Variants in PRR5 observed in about 807,000 individuals in gnomAD.
The protein encoded by PRR5 is proline-rich protein 5.
Under a neutral mutation model 30.6 loss-of-function variants are expected in PRR5, and 25 were observed. The ratio of observed to expected loss-of-function variants is 0.82; its 90% CI spans 0.60 to 1.14. The LOEUF (loss-of-function observed/expected upper bound fraction) is 1.14, where lower values mean the gene tolerates loss of function less well. PRR5 is among the 50% of genes most tolerant of loss of function. The pLI is 0.00. For missense variants in PRR5, 600 were observed against 547.1 expected (o/e 1.10, Z -0.96); for synonymous variants, 286 against 247.1 (o/e 1.16, Z -1.48).
upstream of PRR5, among the ~76,000 whole-genome samples, chr22:44,701,026 G>A (rs1926222568): frequency 1.3e-5 from 2 of 151,856 alleles, no homozygotes; most frequent in Admixed American, 1.3e-4. Context: ...GGGATTACGG[G>A]CATGCACCAC....
intron 7 of PRR5, among the ~76,000 whole-genome samples, chr22:44,735,867 G>C (rs1923141720): frequency 6.6e-6 from 1 of 152,190 alleles, no homozygotes; most frequent in Non-Finnish European, 1.5e-5. Context: ...CCTGCCCACT[G>C]GTGTGTCTCA....
chr22:44,728,053 T>C lies in PRR5; in HGVS notation c.322+1419T>C, dbSNP rs1026489873. ...ATCTGGCCTAGGGGAGCCGGGGCTC[T>C]CGGAGAAGGGAGTTTTGTGTGGCTT... On this transcript the variant is annotated intron_variant, in intron 4 of 7. Transcript: ENST00000336985. 6.6e-5 allele frequency among the ~76,000 whole-genome samples: 10 copies of C among 152,200 alleles called. 1 individual carries two copies. Among genetic ancestry groups the C allele is most frequent in the African/African-American group, 2.4e-4 (10 of 41,448 alleles).
chr22:44,732,211 G>T, intron 5 of PRR5, 40 bp from the exon 6 acceptor site: 1 of 1,604,722 alleles, frequency 6.2e-7, no homozygotes. Context: ...GAGGACGCAT[G>T]TGACCACAGC....
At chr22:44,716,385 C>CAA (rs760764972) in intron 2 of PRR5, among the ~76,000 whole-genome samples, 1 of 152,208 alleles carries the variant, frequency 6.6e-6, no homozygotes, top group Non-Finnish European at 1.5e-5. Flanking sequence ...AGGAGTTTTT[C>CAA]ACACCAAACC....
rs780505145 is a variant in PRR5 at position 44,736,796 on chromosome 22, G to A, written c.716G>A (p.Arg239His). The A allele has an allele frequency of 2.6e-5, 40 of 1,563,594 alleles. 1 individual carries two copies. The highest frequency in any genetic ancestry group is 1.4e-4 in the African/African-American group (10 of 73,800). ...GAAAAGCGCCTCCTCCGCCGCTCCC[G>A]CTCGGGGGACGTGCTGGCCAAGAAC... ...ILEKRLLRRS[R>H]SGDVLAKNPV... Residue 239 changes from arginine to histidine, a missense_variant, in exon 8 of 8, where the codon CGC becomes CAC. Transcript: ENST00000336985.
chr22:44,689,451 G>A (rs139137304), intron 1 of PRR5, among the ~76,000 whole-genome samples: 51 of 152,330 alleles, frequency 3.3e-4, no homozygotes, highest in African/African-American at 1.1e-3. Flanking sequence ...CCACAGCTAC[G>A]AGAGTTTCTG....
At chr22:44,724,603 C>G (rs1184648432) in intron 2 of PRR5, among the ~76,000 whole-genome samples, 1 of 152,146 alleles carries the variant, frequency 6.6e-6, no homozygotes, top group Non-Finnish European at 1.5e-5. Flanking sequence ...CCCATTCTCT[C>G]AGGCCCTGGA....
upstream of PRR5, among the ~76,000 whole-genome samples, chr22:44,675,100 A>G (rs1468440927): frequency 6.7e-6 from 1 of 150,204 alleles, no homozygotes; most frequent in Non-Finnish European, 1.5e-5. Flanking sequence ...TACAAAAAAA[A>G]TTAGCCGGGC....
At chr22:44,672,939 C>T (rs545822786), upstream of PRR5, among the ~76,000 whole-genome samples, 2 of 152,332 alleles carry the variant, frequency 1.3e-5, no homozygotes, top group South Asian at 2.1e-4. Flanking sequence ...ACACAGCATG[C>T]GCGAAGGTCA....
upstream of PRR5, among the ~76,000 whole-genome samples, chr22:44,697,892 A>G (rs1925907868): frequency 6.6e-6 from 1 of 152,172 alleles, no homozygotes; most frequent in African/African-American, 2.4e-5. Context: ...CCCCTGTATC[A>G]TGCCTATAGT....
At chr22:44,734,984 C>G in intron 6 of PRR5, 43 bp from the exon 7 acceptor site, 1 of 1,586,596 alleles carries the variant, frequency 6.3e-7, no homozygotes, top group South Asian at 1.1e-5. Flanking sequence ...AGCCACCAAG[C>G]TCGGGTGCAT....
At chr22:44,718,192 C>T (rs200173032) in intron 2 of PRR5, among the ~76,000 whole-genome samples, 16 of 94,576 alleles carry the variant, frequency 1.7e-4, no homozygotes, top group Admixed American at 4.4e-4. Flanking sequence ...TTTCATCTCT[C>T]TTTTTTTTTT....
chr22:44,686,800 G>A (rs1470659352), intron 1 of PRR5, among the ~76,000 whole-genome samples: 6 of 152,166 alleles, frequency 3.9e-5, no homozygotes, highest in African/African-American at 9.7e-5. Flanking sequence ...TTTTAATAGA[G>A]ACTGGGTTTT....
chr22:44,713,127 G>C (rs1268633456), intron 1 of PRR5, among the ~76,000 whole-genome samples: 2 of 152,198 alleles, frequency 1.3e-5, no homozygotes, highest in East Asian at 3.9e-4. Flanking sequence ...GGGCCATGTC[G>C]GGAGGAGCCT....
rs1033258392 is a variant in PRR5 at position 44,737,478 on chromosome 22, G to A, written c.*231G>A. The A allele has an allele frequency of 1.9e-5, 17 of 890,982 alleles. No homozygotes were observed. The highest frequency in any genetic ancestry group is 5.0e-5 in the African/African-American group (3 of 59,606). 55.2% of individuals were successfully genotyped at this position (890,982 alleles called of 1,614,324 possible). On this transcript the variant is annotated 3_prime_UTR_variant, in exon 8 of 8. Transcript: ENST00000336985. ...CTGAGTCGGCGTTTACCCAGGGGCC[G>A]GGCCAGAGACGGGGGTCGGCCGCTC...
At chr22:44,702,179 T>TGGGCCCGCCCCCGGGTCCGCCCCC (rs1569079767), upstream of PRR5, 44 of 841,700 alleles carry the variant, frequency 5.2e-5, no homozygotes, top group African/African-American at 5.9e-5. Flanking sequence ...GACCCGCCCC[T>TGGGCCCGCCCCCGGGTCCGCCCCC]GGGCCCGCCC....
intron 1 of PRR5, among the ~76,000 whole-genome samples, chr22:44,683,297 A>G (rs891519275): frequency 4.6e-5 from 7 of 152,284 alleles, no homozygotes; most frequent in African/African-American, 1.7e-4. Context: ...GGGAAATCCA[A>G]GTGGGCCAAG....
chr22:44,737,287 T>A lies in PRR5; in HGVS notation c.*40T>A. 3 of 1,563,690 alleles carry A rather than the reference T, an allele frequency of 1.9e-6. No individual in the cohort carries two copies. The South Asian group carries it at 3.6e-5, about 19-fold the overall frequency. ...CCTTGAGTTTTTACTGACACGTCCCTGTGTGCGGGGGTGTCCATGTGGCGT... is the reference window on the plus strand; with the variant it reads ...CCTTGAGTTTTTACTGACACGTCCCAGTGTGCGGGGGTGTCCATGTGGCGT... On this transcript the variant is annotated 3_prime_UTR_variant, in exon 8 of 8. Transcript: ENST00000336985.
intron 5 of PRR5, 30 bp from the exon 6 acceptor site, chr22:44,732,221 C>A (rs751231727): frequency 6.2e-7 from 1 of 1,606,854 alleles, no homozygotes; most frequent in South Asian, 1.1e-5. Flanking sequence ...GTGACCACAG[C>A]CGGTGGGGTG....
Sources: gnomAD v4.1 joint callset for allele counts (sites outside exome capture counted in the v4.1 genomes callset) on GRCh38, gnomAD v4.1.1 for gene constraint, MANE v1.5 for transcripts, NCBI Gene and HGNC (gene_info 2026-07-23, HGNC 2026-07-21) for gene names.